ANKS1B: variants seen among roughly 807,000 people sequenced by gnomAD.
ANKS1B encodes the protein ankyrin repeat and sterile alpha motif domain-containing protein 1B.
ANKS1B carries 36 observed loss-of-function variants against 148.3 expected under a neutral mutation model. The ratio of observed to expected loss-of-function variants is 0.24; its 90% CI spans 0.19 to 0.32. ANKS1B has a LOEUF of 0.32. ANKS1B is among the 10% of genes least tolerant of loss of function. The probability of loss-of-function intolerance (pLI) is 1.00; values close to 1 mark genes in which losing one functional copy is unlikely to be tolerated. For missense variants in ANKS1B, 1,157 were observed against 1,542.6 expected (o/e 0.75, Z 4.19); for synonymous variants, 542 against 560.8 (o/e 0.97, Z 0.47).
chr12:99,080,893 A>G (rs1276437195), intron 16 of ANKS1B, among the ~76,000 whole-genome samples: 4 of 152,212 alleles, frequency 2.6e-5, no homozygotes, highest in Non-Finnish European at 5.9e-5. Flanking sequence ...CCTTTCATAA[A>G]AAGGGAAAAA....
intron 9 of ANKS1B, among the ~76,000 whole-genome samples, chr12:99,638,098 A>G (rs1401368949): frequency 4.6e-5 from 7 of 152,170 alleles, no homozygotes; most frequent in South Asian, 4.1e-4. Context: ...GAAGAAGAAC[A>G]TATTTGTTTC....
intron 2 of ANKS1B, among the ~76,000 whole-genome samples, chr12:99,815,165 A>C (rs2068940165): frequency 6.6e-6 from 1 of 151,814 alleles, no homozygotes; most frequent in Non-Finnish European, 1.5e-5. Context: ...CCAATCACTT[A>C]GAATTTCATT....
intron 17 of ANKS1B, among the ~76,000 whole-genome samples, chr12:98,894,436 C>CCCCCCTCCCG (rs2099759235): frequency 6.6e-6 from 1 of 152,018 alleles, no homozygotes; most frequent in Non-Finnish European, 1.5e-5. Flanking sequence ...AAAAAAAAAG[C>CCCCCCTCCCG]CCCCCTCCCG....
intron 1 of ANKS1B, among the ~76,000 whole-genome samples, chr12:99,956,778 G>T (rs972240424): frequency 6.6e-6 from 1 of 152,106 alleles, no homozygotes; most frequent in Non-Finnish European, 1.5e-5. Flanking sequence ...AGCAGGCAGG[G>T]CTCCCAAGAA....
At chr12:99,721,578 G>A (rs568791464) in intron 8 of ANKS1B, among the ~76,000 whole-genome samples, 3 of 152,208 alleles carry the variant, frequency 2.0e-5, no homozygotes, top group African/African-American at 7.2e-5. Flanking sequence ...CCCTTTGACT[G>A]TAATTTTCCT....
chr12:99,586,011 C>T (rs1471266215), intron 9 of ANKS1B, among the ~76,000 whole-genome samples: 1 of 152,156 alleles, frequency 6.6e-6, no homozygotes, highest in East Asian at 1.9e-4. Flanking sequence ...TCATTATTTA[C>T]CCAAATTTCT....
intron 11 of ANKS1B, among the ~76,000 whole-genome samples, chr12:99,422,632 G>T (rs1480268702): frequency 1.3e-5 from 2 of 152,164 alleles, no homozygotes; most frequent in Non-Finnish European, 2.9e-5. Context: ...GACAGCACAT[G>T]TAAGGAACTA....
intron 1 of ANKS1B, among the ~76,000 whole-genome samples, chr12:99,896,953 T>C (rs2093409006): frequency 6.6e-6 from 1 of 151,300 alleles, no homozygotes; most frequent in Non-Finnish European, 1.5e-5. Context: ...ATATTTATAG[T>C]TGTTGTCTTG....
At position 99,946,107 on chromosome 12, in the gene ANKS1B, C is replaced by G. The variant is rs377448844; in HGVS notation, c.134+37997G>C. Among the ~76,000 whole-genome samples, 33 of 152,168 alleles carry G rather than the reference C, an allele frequency of 2.2e-4. No homozygotes were observed. The East Asian group carries it at 5.0e-3, about 23-fold the overall frequency. ...GTTTGTTATGGAAGGATAACCTAACCTGTAATGATTAATACAGGATATAGA... is the reference window on the plus strand; with the variant it reads ...GTTTGTTATGGAAGGATAACCTAACGTGTAATGATTAATACAGGATATAGA... On this transcript the variant is annotated intron_variant, in intron 1 of 26. Coordinates refer to ENST00000683438, the MANE Select transcript of ANKS1B (RefSeq NM_001352186.2).
At chr12:98,886,767 A>G (rs2099741010) in intron 17 of ANKS1B, among the ~76,000 whole-genome samples, 1 of 152,230 alleles carries the variant, frequency 6.6e-6, no homozygotes, top group Non-Finnish European at 1.5e-5. Flanking sequence ...ATTCAATGCT[A>G]TTAAACAATG....
Position 99,167,752 on chromosome 12 carries a change from T to TTTACAAATAAAGCTG in ANKS1B, c.2420-13358_2420-13357insCAGCTTTATTTGTAA, listed in dbSNP as rs376197617. Among the ~76,000 whole-genome samples the TTTACAAATAAAGCTG allele has an allele frequency of 5.7e-3, 869 of 152,240 alleles. 13 individuals carry two copies. The highest frequency in any genetic ancestry group is 0.02 in the African/African-American group (841 of 41,540). ...CCATACAGAGACTTGTATAGGCATG[T>TTTACAAATAAAGCTG]TTACAGCAGCTTTATTTGTAATAGC... On this transcript the variant is annotated intron_variant, in intron 14 of 26. Coordinates refer to ENST00000683438, the MANE Select transcript of ANKS1B (RefSeq NM_001352186.2).
chr12:99,118,515 G>C (rs78623218), intron 15 of ANKS1B, among the ~76,000 whole-genome samples: 2,158 of 152,076 alleles, frequency 0.014, 54 homozygotes, highest in African/African-American at 0.049. Flanking sequence ...AAATCCAGTC[G>C]CTAACTCAAA....
At position 98,832,090 on chromosome 12, in the gene ANKS1B, G is replaced by C. The variant is rs2099322209; in HGVS notation, c.2825C>G (p.Ser942Cys). 3 of 1,597,192 alleles carry C rather than the reference G, an allele frequency of 1.9e-6. No homozygotes were observed. Among genetic ancestry groups the C allele is most frequent in the Non-Finnish European group, 1.7e-6 (2 of 1,171,418 alleles). ...ATCGTCGTGCAGCCTGTCTCCCAGA[G>C]ATGCCAAAATACGTTTCCTGTGGCC... ...LIGHRKRILA[S>C]LGDRLHDDPP... Residue 942 changes from serine (S) to cysteine (C), a missense_variant, in exon 18 of 27, where the codon TCT becomes TGT. Physicochemically the swap from Ser to Cys is moderately radical, Grantham distance 112. Transcript: ENST00000683438.
chr12:99,493,284 A>C (rs1291287882), intron 10 of ANKS1B, among the ~76,000 whole-genome samples: 1 of 152,222 alleles, frequency 6.6e-6, no homozygotes, highest in Non-Finnish European at 1.5e-5. Flanking sequence ...AGGGTGATGC[A>C]ATCAGATTTG....
At position 99,308,793 on chromosome 12, in the gene ANKS1B, G is replaced by T. The variant is rs1334516050; in HGVS notation, c.1757-61929C>A. ...TTTTTATATCCTTCAAAACTGTTCT[G>T]TATTTTTTTCCACAAATGTCTTTCA... On this transcript the variant is annotated intron_variant, in intron 12 of 26. Coordinates refer to ENST00000683438, the MANE Select transcript of ANKS1B (RefSeq NM_001352186.2). Among the ~76,000 whole-genome samples the T allele has an allele frequency of 2.6e-5, 4 of 151,316 alleles. No individual in the cohort carries two copies. In the East Asian group the frequency reaches 7.7e-4, roughly 29 times the overall value.
intron 1 of ANKS1B, among the ~76,000 whole-genome samples, chr12:99,856,958 T>C (rs1001013252): frequency 1.7e-4 from 26 of 152,094 alleles, no homozygotes; most frequent in Non-Finnish European, 3.2e-4. Flanking sequence ...AAAGCATTAC[T>C]GCTAAGAACT....
At chr12:99,938,833 C>T (rs2094845458) in intron 1 of ANKS1B, among the ~76,000 whole-genome samples, 1 of 152,134 alleles carries the variant, frequency 6.6e-6, no homozygotes, top group Non-Finnish European at 1.5e-5. Flanking sequence ...CGACTAAATG[C>T]TCAGAATGAG....
intron 14 of ANKS1B, among the ~76,000 whole-genome samples, chr12:99,194,688 G>A (rs2081173475): frequency 6.6e-6 from 1 of 152,106 alleles, no homozygotes; most frequent in Non-Finnish European, 1.5e-5. Flanking sequence ...CATCAAGTGG[G>A]TCTTGGATAA....
rs2099527041 is a variant in ANKS1B, at chr12:98,851,681, A to T, written c.2779-19545T>A. ...GAAAGATGTCCAGCATATAGTGTAT[A>T]CTCGGTAAATACAAGCTGTTTCTGT... On this transcript the variant is annotated intron_variant, in intron 17 of 26. Coordinates refer to ENST00000683438, the MANE Select transcript of ANKS1B (RefSeq NM_001352186.2). Among the ~76,000 whole-genome samples, 3 of 152,254 alleles carry T rather than the reference A, an allele frequency of 2.0e-5. No individual in the cohort carries two copies. In the South Asian group the frequency reaches 6.2e-4, roughly 32 times the overall value.
Sources: allele counts gnomAD v4.1 joint callset (sites outside exome capture counted in the v4.1 genomes callset), GRCh38; gene constraint gnomAD v4.1.1; transcripts MANE v1.5; gene names NCBI Gene and HGNC (gene_info 2026-07-23, HGNC 2026-07-21).